The following CACNA1D variants were observed in gnomAD, a reference collection of about 807,000 sequenced individuals.
CACNA1D encodes voltage-dependent L-type calcium channel subunit alpha-1D.
Under a neutral mutation model 257.1 loss-of-function variants are expected in CACNA1D, and 55 were observed. The ratio of observed to expected loss-of-function variants is 0.21; its 90% CI spans 0.17 to 0.27. The LOEUF is 0.27. Among genes scored for constraint, CACNA1D ranks in the 10% least tolerant of loss-of-function variants. The pLI, the probability that CACNA1D is intolerant of heterozygous loss-of-function variation, is 1.00. For missense variants in CACNA1D, 1,876 were observed against 2,784.0 expected, an observed-to-expected ratio of 0.67 and a Z score of 7.34; for synonymous variants, 980 against 1,014.9, an observed-to-expected ratio of 0.97 and a Z score of 0.65.
At chr3:53,649,105 G>T (rs1400671833) in intron 3 of CACNA1D, among the ~76,000 whole-genome samples, 1 of 152,212 alleles carries the variant, frequency 6.6e-6, no homozygotes, top group East Asian at 1.9e-4. Flanking sequence ...GCCGGTGACA[G>T]AGGGGAAGCG....
In CACNA1D at chr3:53,519,996, A is replaced by G. The variant is rs140683334; in HGVS notation, c.483+18276A>G. 2.0e-3 allele frequency among the ~76,000 whole-genome samples: 304 copies of G among 152,360 alleles called. 1 individual carries two copies. The highest frequency in any genetic ancestry group is 7.0e-3 in the African/African-American group (293 of 41,584). On this transcript the variant is annotated intron_variant, in intron 3 of 47. Coordinates refer to ENST00000350061, the MANE Select transcript of CACNA1D (RefSeq NM_001128840.3). ...TCACTACTTCATTCCTTTTTATGGT[A>G]GAATAATCGTCCACTAAAGGGACAT... is the stretch of plus-strand genomic sequence containing the variant.
chr3:53,702,572 G>A, intron 8 of CACNA1D, 69 bp from the exon 9 acceptor site: 1 of 1,474,884 alleles, frequency 6.8e-7, no homozygotes, highest in Non-Finnish European at 9.5e-7. Flanking sequence ...TTGTGCAGTA[G>A]GGCAGTGGCT....
At chr3:53,604,740 G>A (rs768235379) in intron 3 of CACNA1D, among the ~76,000 whole-genome samples, 5 of 152,202 alleles carry the variant, frequency 3.3e-5, no homozygotes, top group African/African-American at 4.8e-5. Context: ...TGGAGATGGC[G>A]TGCCCCTTGG....
At chr3:53,515,138 G>T (rs2091281326) in intron 3 of CACNA1D, among the ~76,000 whole-genome samples, 1 of 152,258 alleles carries the variant, frequency 6.6e-6, no homozygotes, top group African/African-American at 2.4e-5. Flanking sequence ...CCTCTACATG[G>T]TGGTCCGGGG....
intron 8 of CACNA1D, among the ~76,000 whole-genome samples, chr3:53,693,866 GTGTTTTGTT>G (rs1212004871): frequency 6.6e-6 from 1 of 152,086 alleles, no homozygotes; most frequent in East Asian, 1.9e-4. Context: ...AAATATCAAA[GTGTTTTGTT>G]TGTTTAAATT....
chr3:53,673,576 A>G lies in CACNA1D; in HGVS notation c.1220+450A>G. Reference sequence around the variant, plus strand: ...CCTTATTTGCAGAAAAAAAAAAAAAAAGGGAAGGACCTAGGCCCAGTCCCT... The same window carrying G: ...CCTTATTTGCAGAAAAAAAAAAAAAGAGGGAAGGACCTAGGCCCAGTCCCT... On this transcript the variant is annotated intron_variant, in intron 8 of 47. Coordinates refer to ENST00000350061, the MANE Select transcript of CACNA1D (RefSeq NM_001128840.3). This position sits in a 1 kb window ranked among gnomAD's most constrained non-coding sequence, Gnocchi z 4.1. 1 of 678,856 alleles carries G rather than the reference A, an allele frequency of 1.5e-6. No homozygotes were observed. The allele number at this position is 678,856 out of a possible 1,614,324, so 42.1% of individuals were successfully genotyped here.
chr3:53,637,504 A>G (rs2093898260), intron 3 of CACNA1D, among the ~76,000 whole-genome samples: 1 of 152,116 alleles, frequency 6.6e-6, no homozygotes, highest in Non-Finnish European at 1.5e-5. Flanking sequence ...AGAAGAGTAG[A>G]GATAATTAAC....
At chr3:53,573,833 G>A (rs1348257490) in intron 3 of CACNA1D, among the ~76,000 whole-genome samples, 1 of 152,194 alleles carries the variant, frequency 6.6e-6, no homozygotes, top group Non-Finnish European at 1.5e-5. Flanking sequence ...CCTTTTTATT[G>A]TGGTGAGATA....
At position 53,583,889 on chromosome 3, in the gene CACNA1D, A is replaced by G. The variant is rs537945357; in HGVS notation, c.484-66890A>G. On this transcript the variant is annotated intron_variant, in intron 3 of 47. Transcript: ENST00000350061. ...AGAGTGGGCCCCTTCATAGTTTTTCAAAGTCCTTTTTTCCTTTTTTAGAAA... is the reference window on the plus strand; with the variant it reads ...AGAGTGGGCCCCTTCATAGTTTTTCGAAGTCCTTTTTTCCTTTTTTAGAAA... Among the ~76,000 whole-genome samples, 14 of 152,292 alleles carry G rather than the reference A, an allele frequency of 9.2e-5. No homozygotes were observed. The East Asian group carries it at 2.7e-3, about 29-fold the overall frequency.
chr3:53,746,149 G>A (rs1211369883), intron 25 of CACNA1D, among the ~76,000 whole-genome samples: 1 of 152,136 alleles, frequency 6.6e-6, no homozygotes, highest in Admixed American at 6.5e-5. Flanking sequence ...CATCCCAAAA[G>A]AATGGCTAGA....
intron 3 of CACNA1D, among the ~76,000 whole-genome samples, chr3:53,540,309 A>G (rs563389611): frequency 4.0e-5 from 6 of 149,982 alleles, no homozygotes; most frequent in African/African-American, 1.2e-4. Context: ...TTCTAATGGT[A>G]GAGACAGGGT....
chr3:53,540,815 C>T (rs987603241), intron 3 of CACNA1D, among the ~76,000 whole-genome samples: 1 of 152,076 alleles, frequency 6.6e-6, no homozygotes, highest in Non-Finnish European at 1.5e-5. Context: ...GATCTCGGCT[C>T]ACTGCTACCT....
chr3:53,676,984 T>C (rs2094383033), intron 8 of CACNA1D, among the ~76,000 whole-genome samples: 1 of 152,224 alleles, frequency 6.6e-6, no homozygotes, highest in Non-Finnish European at 1.5e-5. Context: ...TGACCAGGAA[T>C]TGGAAAGAAT....
intron 3 of CACNA1D, among the ~76,000 whole-genome samples, chr3:53,586,354 CAA>C (rs2093217677): frequency 6.6e-6 from 1 of 151,312 alleles, no homozygotes; most frequent in Non-Finnish European, 1.5e-5. Flanking sequence ...CTTCTGGTCT[CAA>C]GGGGCCATGC....
At chr3:53,548,802 A>G (rs2092469478) in intron 3 of CACNA1D, among the ~76,000 whole-genome samples, 1 of 152,180 alleles carries the variant, frequency 6.6e-6, no homozygotes, top group Non-Finnish European at 1.5e-5. Flanking sequence ...GTTCCCATTT[A>G]ACGTCCACAC....
chr3:53,749,966 C>T (rs1284617983), intron 27 of CACNA1D, among the ~76,000 whole-genome samples: 1 of 152,220 alleles, frequency 6.6e-6, no homozygotes, highest in Non-Finnish European at 1.5e-5. Flanking sequence ...AATGGTTCGT[C>T]TTCCCCTGGT....
chr3:53,535,425 C>T (rs776998273), intron 3 of CACNA1D, among the ~76,000 whole-genome samples: 1 of 152,148 alleles, frequency 6.6e-6, no homozygotes, highest in Admixed American at 6.5e-5. Context: ...TTGTCACTTC[C>T]GTTTAAAGGT....
chr3:53,504,927 T>C lies in CACNA1D; in HGVS notation c.483+3207T>C, dbSNP rs73084383. Among the ~76,000 whole-genome samples the C allele has an allele frequency of 4.9e-3, 741 of 152,134 alleles. 2 individuals are homozygous for C. The highest frequency in any genetic ancestry group is 8.2e-3 in the Non-Finnish European group (559 of 68,002). On this transcript the variant is annotated intron_variant, in intron 3 of 47. Coordinates refer to ENST00000350061, the MANE Select transcript of CACNA1D (RefSeq NM_001128840.3). ...GTGTGGAACTGCTTGAAATTAAAAA[T>C]GTCCAGAATGGAGATCTTCATCTGC...
intron 4 of CACNA1D, among the ~76,000 whole-genome samples, chr3:53,654,184 G>A (rs185998235): frequency 1.8e-4 from 25 of 138,216 alleles, no homozygotes; most frequent in African/African-American, 5.4e-4. Context: ...AAAATGACAC[G>A]AGGTAGAAAA....
Sources: gnomAD v4.1 joint callset for allele counts (sites outside exome capture counted in the v4.1 genomes callset) on GRCh38, gnomAD v4.1.1 for gene constraint, Gnocchi (gnomAD v3.1) non-coding constraint, MANE v1.5 for transcripts, NCBI Gene and HGNC (gene_info 2026-07-23, HGNC 2026-07-21) for gene names.